IK: variants seen among roughly 807,000 people sequenced by gnomAD.
The protein encoded by IK is IK cytokine, also known as protein Red.
A neutral mutation model predicts 90.9 loss-of-function variants in IK; 47 were observed. The ratio of observed to expected loss-of-function variants is 0.52; its 90% CI spans 0.41 to 0.66. IK has a LOEUF of 0.66. Among genes scored for constraint, IK ranks in the 30% least tolerant of loss-of-function variants. The pLI, the probability that IK is intolerant of heterozygous loss-of-function variation, is 0.00. For synonymous variants in IK, 201 were observed against 227.5 expected (o/e 0.88, Z 1.05); for missense variants, 385 against 709.3 (o/e 0.54, Z 5.19).
intron 2 of IK, among the ~76,000 whole-genome samples, chr5:140,650,782 T>A (rs1255110832): frequency 6.6e-6 from 1 of 152,164 alleles, no homozygotes; most frequent in Non-Finnish European, 1.5e-5. Flanking sequence ...TATCACCATG[T>A]TGGCCATGCT....
intron 5 of IK, 42 bp downstream of exon 5, chr5:140,653,186 A>C (rs766507097): frequency 3.9e-6 from 6 of 1,552,940 alleles, no homozygotes; most frequent in Admixed American, 1.7e-5. Flanking sequence ...TCAGCATCCG[A>C]GAGTCATGCA....
At chr5:140,653,889 C>G (rs1757660665) in intron 5 of IK, 49 bp from the exon 6 acceptor site, 1 of 1,160,310 alleles carries the variant, frequency 8.6e-7, no homozygotes, top group East Asian at 2.4e-5. Flanking sequence ...AGGCGTGATC[C>G]ACCACGCCTG....
chr5:140,652,084 C>T lies in IK; in HGVS notation c.177-4C>T, dbSNP rs752500995. 27 of 1,612,332 alleles carry T rather than the reference C, an allele frequency of 1.7e-5. No individual in the cohort carries two copies. The highest frequency in any genetic ancestry group is 2.2e-5 in the East Asian group (1 of 44,882). Reference sequence around the variant, plus strand: ...GCTATCAGTGAATTTCTCGTCTCTTCTAGGATGCCAAGGGAGTACAATGAG... The same window carrying T: ...GCTATCAGTGAATTTCTCGTCTCTTTTAGGATGCCAAGGGAGTACAATGAG... On this transcript the variant is annotated splice_polypyrimidine_tract_variant and splice_region_variant and intron_variant, in intron 3 of 19. Coordinates refer to ENST00000417647, the MANE Select transcript of IK (RefSeq NM_006083.4).
At chr5:140,660,897 T>C in intron 16 of IK, 82 bp downstream of exon 16, 1 of 1,093,110 alleles carries the variant, frequency 9.1e-7, no homozygotes. Context: ...TCCTAAAAAA[T>C]CTATCTCATT....
At chr5:140,655,426 C>T (rs1219310881) in intron 8 of IK, among the ~76,000 whole-genome samples, 2 of 152,202 alleles carry the variant, frequency 1.3e-5, no homozygotes, top group African/African-American at 4.8e-5. Context: ...ACATGCCTAT[C>T]ATATTGAGCA....
At chr5:140,648,102 G>C in intron 1 of IK, 178 bp downstream of exon 1, 1 of 778,898 alleles carries the variant, frequency 1.3e-6, no homozygotes, top group South Asian at 1.4e-5. Context: ...AAGTGAGGCC[G>C]ACAGCTCCAA....
Position 140,659,336 on chromosome 5 carries a change from G to T in IK, c.1195+3G>T. ...CCAGCCCATGGACGTTGACAAAGGT[G>T]AGTTGTACACACAGCATCTCACAGT... On this transcript the variant is annotated splice_donor_region_variant and intron_variant, in intron 13 of 19. Transcript: ENST00000417647. The T allele has an allele frequency of 6.2e-7, 1 of 1,613,988 alleles. No individual in the cohort carries two copies. The highest frequency in any genetic ancestry group is 1.3e-5 in the African/African-American group (1 of 75,050).
At chr5:140,650,231 T>G (rs1757592506) in intron 2 of IK, among the ~76,000 whole-genome samples, 1 of 152,258 alleles carries the variant, frequency 6.6e-6, no homozygotes, top group Non-Finnish European at 1.5e-5. Flanking sequence ...ATTACAATGG[T>G]CTTGACTCTT....
chr5:140,657,500 A>G (rs1167165518), intron 9 of IK, 54 bp from the exon 10 acceptor site: 1 of 1,225,380 alleles, frequency 8.2e-7, no homozygotes, highest in Non-Finnish European at 1.2e-6. Context: ...TGAATGAATA[A>G]ATGAAGAGAT....
At position 140,658,971 on chromosome 5, in the gene IK, C is replaced by T. The variant is rs1581484805; in HGVS notation, c.983C>T (p.Ser328Phe). The T allele has an allele frequency of 6.2e-7, 1 of 1,613,930 alleles. No individual in the cohort carries two copies. Among genetic ancestry groups the T allele is most frequent in the Non-Finnish European group, 8.5e-7 (1 of 1,179,884 alleles). The stretch of plus-strand genomic sequence containing the variant: ...GAAGACATTGGGGATTACGTACCCT[C>T]CACAACCAAGACACCTCGGGACAAG... The part of the protein sequence containing the change: ...IFEDIGDYVP[S>F]TTKTPRDKER... Residue 328 changes from serine to phenylalanine, a missense_variant, in exon 12 of 20, where the codon TCC (serine) becomes TTC (phenylalanine). By Grantham distance (155) the Ser-to-Phe change is radical. Transcript: ENST00000417647.
intron 11 of IK, 73 bp downstream of exon 11, chr5:140,658,849 G>C: frequency 1.3e-6 from 2 of 1,596,338 alleles, no homozygotes; most frequent in Non-Finnish European, 1.7e-6. Context: ...GCATTTTGGG[G>C]AGGTGCTGAC....
At chr5:140,660,461 C>CTAGTTT in intron 15 of IK, 1 of 537,686 alleles carries the variant, frequency 1.9e-6, no homozygotes, top group East Asian at 3.1e-5. Context: ...CCACACCTGG[C>CTAGTTT]TAGTTTTTGT....
intron 9 of IK, among the ~76,000 whole-genome samples, chr5:140,656,913 C>G (rs1204889408): frequency 6.6e-6 from 1 of 152,078 alleles, no homozygotes; most frequent in Non-Finnish European, 1.5e-5. Flanking sequence ...CCCTACCCTT[C>G]TAAAATATAC....
chr5:140,655,280 G>T (rs1464264022), intron 8 of IK, among the ~76,000 whole-genome samples: 2 of 152,176 alleles, frequency 1.3e-5, no homozygotes, highest in African/African-American at 2.4e-5. Flanking sequence ...AGAGACCTGA[G>T]TTTAAACCTT....
Position 140,662,027 on chromosome 5 carries a change from G to C in IK, c.1611+20G>C, listed in dbSNP as rs757483351. ...AGTGCAGTAAGTAGGATGGCCCCTTGGGTGGGAGGGTTTCAGCTGGGAGAA... is the reference window on the plus strand; with the variant it reads ...AGTGCAGTAAGTAGGATGGCCCCTTCGGTGGGAGGGTTTCAGCTGGGAGAA... On this transcript the variant is annotated intron_variant, in intron 18 of 19. Coordinates refer to ENST00000417647, the MANE Select transcript of IK (RefSeq NM_006083.4). 6.3e-7 allele frequency: 1 copy of C among 1,583,500 alleles called. No individual in the cohort carries two copies. The highest frequency in any genetic ancestry group is 1.1e-5 in the South Asian group (1 of 88,180).
chr5:140,651,568 T>G, intron 2 of IK, 146 bp from the exon 3 acceptor site: 1 of 547,982 alleles, frequency 1.8e-6, no homozygotes, highest in Non-Finnish European at 3.3e-6. Flanking sequence ...ACAGTGAGAC[T>G]CCGTCTCAAA....
Position 140,653,068 on chromosome 5 carries a change from G to A in IK, c.328G>A (p.Val110Met), listed in dbSNP as rs1432847539. 4 of 1,613,966 alleles carry A rather than the reference G, an allele frequency of 2.5e-6. No individual in the cohort carries two copies. Among genetic ancestry groups the A allele is most frequent in the East Asian group, 2.2e-5 (1 of 44,884 alleles). Residue 110 changes from valine (V) to methionine (M), a missense_variant, in exon 5 of 20, where the codon GTG (valine) becomes ATG (methionine). Physicochemically the swap from Val to Met is conservative, Grantham distance 21 (BLOSUM62 1). Transcript: ENST00000417647. ...RDRAKERRDG[V>M]NKDYEETELI... ...TCGTGCCAAGGAACGGAGAGATGGAGTGAACAAAGATTATGAAGAAACCGA... is the reference window on the plus strand; with the variant it reads ...TCGTGCCAAGGAACGGAGAGATGGAATGAACAAAGATTATGAAGAAACCGA...
At chr5:140,651,398 C>T (rs1159824575) in intron 2 of IK, among the ~76,000 whole-genome samples, 4 of 150,034 alleles carry the variant, frequency 2.7e-5, no homozygotes, top group Admixed American at 2.7e-4. Flanking sequence ...GAGATCATGC[C>T]ACTGCACTCC....
chr5:140,661,500 G>A lies in IK; in HGVS notation c.1414-120G>A. On this transcript the variant is annotated intron_variant, in intron 16 of 19. Transcript: ENST00000417647. The surrounding 1 kb of genome is among the most constrained non-coding windows in gnomAD (Gnocchi z 4.2). ...TAAGCATTTATTATTACTTATCAGG[G>A]TATGATTTATGAATTGTGGAACCTG... is the stretch of plus-strand genomic sequence containing the variant. 3.0e-6 allele frequency: 2 copies of A among 659,720 alleles called. No individual in the cohort carries two copies. Among genetic ancestry groups the A allele is most frequent in the Non-Finnish European group, 5.4e-6 (2 of 369,174 alleles). The allele number at this position is 659,720 out of a possible 1,614,324, so 40.9% of individuals were successfully genotyped here.
Sources: allele counts gnomAD v4.1 joint callset (sites outside exome capture counted in the v4.1 genomes callset), GRCh38; gene constraint gnomAD v4.1.1; non-coding constraint Gnocchi (gnomAD v3.1); transcripts MANE v1.5; gene names NCBI Gene and HGNC (gene_info 2026-07-23, HGNC 2026-07-21).